Variants in RPH3A observed in about 807,000 individuals in gnomAD.
The protein encoded by RPH3A is rabphilin-3A.
In RPH3A, 48 loss-of-function variants were observed where a neutral mutation model predicts 102.2. That is an observed-to-expected ratio of 0.47 (90% CI 0.37 to 0.60). The LOEUF is 0.60. Among genes scored for constraint, RPH3A ranks in the 20% least tolerant of loss-of-function variants. The pLI is 0.00. For synonymous variants in RPH3A, 310 were observed against 324.3 expected (o/e 0.96, Z 0.47); for missense variants, 781 against 910.1 (o/e 0.86, Z 1.83).
chr12:112,729,680 C>T (rs990473295), intron 1 of RPH3A, among the ~76,000 whole-genome samples: 4 of 152,176 alleles, frequency 2.6e-5, no homozygotes, highest in Non-Finnish European at 4.4e-5. Context: ...ATACATAACT[C>T]GTAATCCAGT....
At chr12:112,827,262 A>T (rs1470279477) in intron 2 of RPH3A, among the ~76,000 whole-genome samples, 1 of 152,164 alleles carries the variant, frequency 6.6e-6, no homozygotes, top group African/African-American at 2.4e-5. Context: ...TATCTTTTAT[A>T]GATTTTCCTA....
chr12:112,611,531 C>T (rs1363128187), intron 1 of RPH3A, among the ~76,000 whole-genome samples: 14 of 152,258 alleles, frequency 9.2e-5, no homozygotes, highest in African/African-American at 1.7e-4. Flanking sequence ...CTCCGCCTCC[C>T]GGGTTCAAGG....
At chr12:112,662,379 T>C (rs1288554565) in intron 1 of RPH3A, among the ~76,000 whole-genome samples, 1 of 152,138 alleles carries the variant, frequency 6.6e-6, no homozygotes, top group Non-Finnish European at 1.5e-5. Context: ...GTCCATCCAT[T>C]CATCCATCCA....
At chr12:112,853,712 C>G (rs2042363355) in intron 5 of RPH3A, among the ~76,000 whole-genome samples, 1 of 151,962 alleles carries the variant, frequency 6.6e-6, no homozygotes, top group Non-Finnish European at 1.5e-5. Flanking sequence ...GCCTGTAATT[C>G]CAGCTACTCA....
At chr12:112,842,118 GTCTTCCCTAC>G (rs1314003563) in intron 4 of RPH3A, 2 of 443,758 alleles carry the variant, frequency 4.5e-6, no homozygotes, top group Non-Finnish European at 9.1e-6. Context: ...GTGACTCATT[GTCTTCCCTAC>G]TCTTCCCTAT....
chr12:112,887,730 C>A, intron 16 of RPH3A, 67 bp from the exon 17 acceptor site: 16 of 1,546,702 alleles, frequency 1.0e-5, no homozygotes, highest in Non-Finnish European at 1.4e-5. Flanking sequence ...AGCTGCAACT[C>A]TTGGCACACA....
intron 2 of RPH3A, among the ~76,000 whole-genome samples, chr12:112,809,329 C>T (rs2041527671): frequency 1.3e-5 from 2 of 152,040 alleles, no homozygotes; most frequent in South Asian, 4.1e-4. Context: ...CCTGTTCTGC[C>T]TCTTCTCATC....
intron 3 of RPH3A, 83 bp from the exon 4 acceptor site, chr12:112,836,408 A>C: frequency 1.3e-6 from 1 of 759,642 alleles, no homozygotes; most frequent in Non-Finnish European, 2.1e-6. Context: ...TGAGTGTTGC[A>C]TCCAGACAGT....
At chr12:112,826,153 A>G (rs1434350297) in intron 2 of RPH3A, among the ~76,000 whole-genome samples, 1 of 152,092 alleles carries the variant, frequency 6.6e-6, no homozygotes, top group Non-Finnish European at 1.5e-5. Flanking sequence ...CTCTTGGACG[A>G]GGTGCATTTA....
chr12:112,853,155 G>A (rs2136198038), intron 5 of RPH3A, among the ~76,000 whole-genome samples: 1 of 152,270 alleles, frequency 6.6e-6, no homozygotes, highest in South Asian at 2.1e-4. Flanking sequence ...GGAGAAGTGA[G>A]TAATAATGCC....
intron 15 of RPH3A, among the ~76,000 whole-genome samples, chr12:112,882,828 C>T (rs1026112806): frequency 6.6e-6 from 1 of 152,222 alleles, no homozygotes; most frequent in African/African-American, 2.4e-5. Context: ...GCCACCTCTT[C>T]TGGGCATAGT....
chr12:112,747,084 G>A (rs142428395), intron 1 of RPH3A, among the ~76,000 whole-genome samples: 2,388 of 152,216 alleles, frequency 0.016, 33 homozygotes, highest in Non-Finnish European at 0.021. Flanking sequence ...CAAGAGCAAG[G>A]ATTTTTGTCT....
At chr12:112,738,980 GA>G (rs2040688479) in intron 1 of RPH3A, among the ~76,000 whole-genome samples, 1 of 152,140 alleles carries the variant, frequency 6.6e-6, no homozygotes, top group Non-Finnish European at 1.5e-5. Flanking sequence ...ATGCACGAAG[GA>G]GAAGAGGCCA....
At chr12:112,796,470 G>A (rs2041231685) in intron 2 of RPH3A, among the ~76,000 whole-genome samples, 2 of 152,222 alleles carry the variant, frequency 1.3e-5, no homozygotes, top group East Asian at 1.9e-4. Context: ...CTTACTGAGT[G>A]AATGAATGAA....
At chr12:112,696,382 T>C (rs890812077) in intron 1 of RPH3A, among the ~76,000 whole-genome samples, 2 of 152,218 alleles carry the variant, frequency 1.3e-5, no homozygotes, top group African/African-American at 4.8e-5. Context: ...ATGATAGATC[T>C]GCTTTTAGTT....
chr12:112,576,908 C>CTTTTTTT lies in RPH3A; in HGVS notation c.-140+1589_-140+1590insTTTTTTT, dbSNP rs1491257403. On this transcript the variant is annotated intron_variant, in intron 1 of 21. Transcript: ENST00000543106. ...GTTCTTTTCTTTTTTTTCTTTTCTTCCTTTTTTTTTTTTTTGAGATAGAGT... is the reference window on the plus strand; with the variant it reads ...GTTCTTTTCTTTTTTTTCTTTTCTTCTTTTTTTCTTTTTTTTTTTTTTGAGATAGAGT... Among the ~76,000 whole-genome samples the CTTTTTTT allele has an allele frequency of 5.1e-4, 46 of 89,832 alleles. No individual in the cohort carries two copies. In the East Asian group the frequency reaches 5.8e-3, roughly 11 times the overall value. 58.9% of individuals were successfully genotyped at this position (89,832 alleles called of 152,430 possible).
At chr12:112,815,506 G>A (rs1485996371) in intron 2 of RPH3A, among the ~76,000 whole-genome samples, 1 of 152,094 alleles carries the variant, frequency 6.6e-6, no homozygotes, top group East Asian at 1.9e-4. Flanking sequence ...ATGCCCCTCA[G>A]ATGTGAGGAC....
At chr12:112,583,494 A>T (rs950018963) in intron 1 of RPH3A, among the ~76,000 whole-genome samples, 1 of 149,080 alleles carries the variant, frequency 6.7e-6, no homozygotes, top group African/African-American at 2.5e-5. Flanking sequence ...TAATTAAAAA[A>T]AAATAGAAGA....
intron 1 of RPH3A, among the ~76,000 whole-genome samples, chr12:112,687,819 C>T (rs779187382): frequency 2.6e-5 from 4 of 152,154 alleles, no homozygotes; most frequent in Non-Finnish European, 5.9e-5. Context: ...GTCCCTTAGA[C>T]CAGAGTTAGC....
Sources: allele counts gnomAD v4.1 joint callset (sites outside exome capture counted in the v4.1 genomes callset), GRCh38; gene constraint gnomAD v4.1.1; transcripts MANE v1.5; gene names NCBI Gene and HGNC (gene_info 2026-07-23, HGNC 2026-07-21).